The following SOS1 variants were observed in gnomAD, a reference collection of about 807,000 sequenced individuals.
The protein encoded by SOS1 is SOS Ras/Rac guanine nucleotide exchange factor 1, also known as son of sevenless homolog 1.
In SOS1, 25 loss-of-function variants were observed where a neutral mutation model predicts 157.6. The observed-to-expected ratio is 0.16, with a 90% CI of 0.12 to 0.22. SOS1 has a LOEUF of 0.22. Ranked by LOEUF, SOS1 falls within the 10% of genes least tolerant of loss-of-function variation. The pLI is 1.00. For synonymous variants in SOS1, 528 were observed against 534.0 expected, an observed-to-expected ratio of 0.99 and a Z score of 0.16; for missense variants, 1,237 against 1,599.1, an observed-to-expected ratio of 0.77 and a Z score of 3.86.
At position 39,117,605 on chromosome 2, in the gene SOS1, T is replaced by G. The variant is rs150304264; in HGVS notation, c.87+2731A>C. Among the ~76,000 whole-genome samples, 155 of 152,268 alleles carry G rather than the reference T, an allele frequency of 1.0e-3. 3 individuals are homozygous for G. The East Asian group carries it at 0.025, about 25-fold the overall frequency. On this transcript the variant is annotated intron_variant, in intron 1 of 22. Transcript: ENST00000402219. Reference sequence around the variant, plus strand: ...GCTAAAAAGTGCACTTTAGCATAGGTTGAACTCAAAAGACATCAACAATTC... The same window carrying G: ...GCTAAAAAGTGCACTTTAGCATAGGGTGAACTCAAAAGACATCAACAATTC...
chr2:39,111,782 T>C (rs910634527), intron 1 of SOS1, among the ~76,000 whole-genome samples: 1 of 150,944 alleles, frequency 6.6e-6, no homozygotes, highest in Non-Finnish European at 1.5e-5. Context: ...CAGGCTGGAG[T>C]GCAGTGACAC....
chr2:38,992,417 CA>C (rs1489605775), intron 20 of SOS1: 1 of 152,112 alleles, frequency 6.6e-6, no homozygotes, highest in Admixed American at 6.5e-5. Flanking sequence ...TCTAAGATTA[CA>C]AAGCCTAACT....
At chr2:39,096,131 A>G (rs1373021728) in intron 1 of SOS1, among the ~76,000 whole-genome samples, 1 of 152,232 alleles carries the variant, frequency 6.6e-6, no homozygotes, top group Non-Finnish European at 1.5e-5. Flanking sequence ...AACATCTACA[A>G]GCTATAACCT....
Position 38,997,158 on chromosome 2 carries a change from A to G in SOS1, c.2964+95T>C, listed in dbSNP as rs551116916. 18 of 1,133,914 alleles carry G rather than the reference A, an allele frequency of 1.6e-5. No individual in the cohort carries two copies. In the Admixed American group the frequency reaches 3.2e-4, roughly 20 times the overall value. The allele number at this position is 1,133,914 out of a possible 1,614,324, so 70.2% of individuals were successfully genotyped here. On this transcript the variant is annotated intron_variant, in intron 18 of 22. Transcript: ENST00000402219. ...ATTTGAATTATTTCTTTTAAGGTTT[A>G]TTTTACTTTTTCTCCCCTATAAAAT...
intron 17 of SOS1, among the ~76,000 whole-genome samples, chr2:39,001,101 C>T (rs1240466590): frequency 6.6e-6 from 1 of 152,222 alleles, no homozygotes; most frequent in Non-Finnish European, 1.5e-5. Flanking sequence ...CCTTGTCACC[C>T]AGGCGGGAGT....
chr2:39,109,663 T>G (rs1053258336), intron 1 of SOS1, among the ~76,000 whole-genome samples: 1 of 152,228 alleles, frequency 6.6e-6, no homozygotes, highest in African/African-American at 2.4e-5. Flanking sequence ...ATTCTACTCC[T>G]TACTAGTCAT....
At chr2:39,031,795 G>T (rs907886790) in intron 8 of SOS1, among the ~76,000 whole-genome samples, 2 of 152,064 alleles carry the variant, frequency 1.3e-5, no homozygotes, top group Non-Finnish European at 2.9e-5. Flanking sequence ...ATCTAAATTT[G>T]TTTAATGAAG....
At chr2:39,076,254 G>C (rs1558502410) in intron 1 of SOS1, among the ~76,000 whole-genome samples, 1 of 152,114 alleles carries the variant, frequency 6.6e-6, no homozygotes, top group Non-Finnish European at 1.5e-5. Flanking sequence ...ACAAAAATTA[G>C]CCAGGCATGG....
intron 1 of SOS1, among the ~76,000 whole-genome samples, chr2:39,100,698 T>C (rs1672935993): frequency 2.0e-5 from 3 of 152,194 alleles, no homozygotes; most frequent in South Asian, 4.1e-4. Flanking sequence ...GGAGGATTCC[T>C]TGAGACTAAG....
chr2:39,122,445 T>TACACACACACAC (rs1353516539), upstream of SOS1, among the ~76,000 whole-genome samples: 1 of 28,762 alleles, frequency 3.5e-5, no homozygotes, highest in African/African-American at 1.7e-4. Context: ...CAAAAAAAAA[T>TACACACACACAC]ATACACACAC....
intron 21 of SOS1, 121 bp from the exon 22 acceptor site, chr2:38,987,712 T>A (rs1668597884): frequency 1.5e-6 from 1 of 681,486 alleles, no homozygotes; most frequent in South Asian, 1.6e-5. Flanking sequence ...TACCAAAAGC[T>A]GTTCAATAAA....
At chr2:39,031,341 T>A (rs1558478632) in intron 8 of SOS1, among the ~76,000 whole-genome samples, 2 of 152,162 alleles carry the variant, frequency 1.3e-5, no homozygotes, top group Admixed American at 1.3e-4. Context: ...TTTGGGTGCA[T>A]CTTGGGGAGA....
At chr2:39,014,647 T>TTTTAAA in intron 11 of SOS1, 118 bp downstream of exon 11, 1 of 535,538 alleles carries the variant, frequency 1.9e-6, no homozygotes, top group South Asian at 3.1e-5. Flanking sequence ...TTTTATTTAT[T>TTTTAAA]GAAAAAGTGC....
intron 15 of SOS1, among the ~76,000 whole-genome samples, chr2:39,008,407 C>A (rs1353446157): frequency 3.3e-5 from 5 of 152,174 alleles, no homozygotes; most frequent in African/African-American, 1.2e-4. Context: ...AGCCCTGTTT[C>A]AAACAGATAG....
intron 1 of SOS1, among the ~76,000 whole-genome samples, chr2:39,119,083 C>G (rs925441690): frequency 4.6e-5 from 7 of 152,232 alleles, no homozygotes; most frequent in African/African-American, 1.7e-4. Flanking sequence ...AGACCTCCTA[C>G]ACCCCTTCCA....
chr2:39,073,294 T>A (rs1671850355), intron 1 of SOS1, among the ~76,000 whole-genome samples: 2 of 152,212 alleles, frequency 1.3e-5, no homozygotes, highest in South Asian at 4.1e-4. Flanking sequence ...TATGTGGGTT[T>A]TCCCGGTTTT....
At chr2:39,074,847 A>G (rs1185032743) in intron 1 of SOS1, among the ~76,000 whole-genome samples, 5 of 151,962 alleles carry the variant, frequency 3.3e-5, no homozygotes, top group Admixed American at 1.3e-4. Context: ...AGCCTAGGCA[A>G]CAAGAGCAAA....
At chr2:39,123,546 T>TG (rs1197106086), upstream of SOS1, among the ~76,000 whole-genome samples, 1 of 151,126 alleles carries the variant, frequency 6.6e-6, no homozygotes, top group Non-Finnish European at 1.5e-5. Context: ...TTAGTAGAGG[T>TG]GGGGTTTCGC....
At chr2:39,112,353 T>G (rs1234941156) in intron 1 of SOS1, among the ~76,000 whole-genome samples, 2 of 152,098 alleles carry the variant, frequency 1.3e-5, no homozygotes, top group Non-Finnish European at 2.9e-5. Flanking sequence ...TCTCTCTTGC[T>G]CTTTCTTTCC....
Sources: gnomAD v4.1 joint callset for allele counts (sites outside exome capture counted in the v4.1 genomes callset) on GRCh38, gnomAD v4.1.1 for gene constraint, MANE v1.5 for transcripts, NCBI Gene and HGNC (gene_info 2026-07-23, HGNC 2026-07-21) for gene names.